The following AUTS2 variants were observed in gnomAD, a reference collection of about 807,000 sequenced individuals.
AUTS2 encodes the protein autism susceptibility gene 2 protein.
A neutral mutation model predicts 112.4 loss-of-function variants in AUTS2; 17 were observed. That is an observed-to-expected ratio of 0.15 (90% confidence interval 0.10 to 0.23). The LOEUF (loss-of-function observed/expected upper bound fraction) is 0.23, where lower values mean the gene tolerates loss of function less well. Among genes scored for constraint, AUTS2 ranks in the 10% least tolerant of loss-of-function variants. AUTS2 has a pLI of 1.00. For synonymous variants in AUTS2, 751 were observed against 702.7 expected (o/e 1.07, Z -1.09); for missense variants, 1,510 against 1,701.6 (o/e 0.89, Z 1.98).
intron 5 of AUTS2, among the ~76,000 whole-genome samples, chr7:70,491,171 A>T (rs1272267774): frequency 6.6e-6 from 1 of 152,138 alleles, no homozygotes; most frequent in Admixed American, 6.5e-5. Flanking sequence ...TCTTTGTGTC[A>T]TTGTTGCTCT....
intron 15 of AUTS2, chr7:70,784,109 GAGTC>G (rs1791272664): frequency 6.6e-6 from 1 of 152,206 alleles, no homozygotes; most frequent in Non-Finnish European, 1.5e-5. Flanking sequence ...AAACCTGTCA[GAGTC>G]AGTTATAAGA....
At chr7:70,669,005 G>C (rs932390782) in intron 5 of AUTS2, among the ~76,000 whole-genome samples, 1 of 152,218 alleles carries the variant, frequency 6.6e-6, no homozygotes, top group African/African-American at 2.4e-5. Flanking sequence ...ACAGATAGGG[G>C]AATTTTCTGA....
chr7:70,046,754 AG>A (rs1801524188), intron 2 of AUTS2, among the ~76,000 whole-genome samples: 1 of 152,178 alleles, frequency 6.6e-6, no homozygotes, highest in Non-Finnish European at 1.5e-5. Context: ...CTTTGTCACC[AG>A]GTATATTGGT....
At chr7:70,729,127 C>A in intron 6 of AUTS2, 1 of 456,306 alleles carries the variant, frequency 2.2e-6, no homozygotes, top group South Asian at 1.6e-5. Context: ...ACGACGGCCA[C>A]ACCCTCCATC....
intron 4 of AUTS2, among the ~76,000 whole-genome samples, chr7:70,305,289 C>T (rs561602743): frequency 7.9e-5 from 12 of 152,166 alleles, no homozygotes; most frequent in Admixed American, 6.5e-5. Context: ...CATTTCACTC[C>T]ATAATGTCCT....
At chr7:70,716,309 C>T (rs924020678) in intron 6 of AUTS2, among the ~76,000 whole-genome samples, 3 of 152,104 alleles carry the variant, frequency 2.0e-5, no homozygotes, top group East Asian at 1.9e-4. Flanking sequence ...TAAAGAGGAT[C>T]GGGGGCTTCA....
chr7:69,858,914 C>T (rs1792853921), intron 1 of AUTS2, among the ~76,000 whole-genome samples: 2 of 152,178 alleles, frequency 1.3e-5, no homozygotes, highest in East Asian at 3.9e-4. Context: ...CACTGGATAT[C>T]ATGTAGGTAC....
chr7:70,314,866 T>C (rs1789924006), intron 4 of AUTS2, among the ~76,000 whole-genome samples: 1 of 152,182 alleles, frequency 6.6e-6, no homozygotes, highest in South Asian at 2.1e-4. Flanking sequence ...GTCATTCCTT[T>C]CCCTTTGCCT....
intron 5 of AUTS2, among the ~76,000 whole-genome samples, chr7:70,595,165 A>T (rs1803135376): frequency 6.6e-6 from 1 of 152,042 alleles, no homozygotes; most frequent in Admixed American, 6.5e-5. Flanking sequence ...CACTGCAGCA[A>T]CCGCTGTTAG....
At chr7:70,637,149 C>G (rs928218896) in intron 5 of AUTS2, among the ~76,000 whole-genome samples, 7 of 152,174 alleles carry the variant, frequency 4.6e-5, no homozygotes, top group African/African-American at 1.7e-4. Flanking sequence ...AGCCTGATTC[C>G]ATGTTGGCCT....
chr7:70,678,118 G>T (rs1808017940), intron 5 of AUTS2, among the ~76,000 whole-genome samples: 1 of 152,006 alleles, frequency 6.6e-6, no homozygotes, highest in East Asian at 1.9e-4. Context: ...AATAATTTTA[G>T]TAGGTTCTAC....
intron 4 of AUTS2, among the ~76,000 whole-genome samples, chr7:70,361,399 G>A (rs1053892642): frequency 5.3e-5 from 8 of 151,904 alleles, no homozygotes; most frequent in African/African-American, 1.7e-4. Flanking sequence ...TATTTTGCTC[G>A]TGTCTTTTGT....
rs1018860770 is a variant in AUTS2 at position 70,730,547 on chromosome 7, A to T, written c.742+31927A>T. 3.9e-5 allele frequency among the ~76,000 whole-genome samples: 6 copies of T among 152,308 alleles called. No individual in the cohort carries two copies. The East Asian group carries it at 7.7e-4, about 20-fold the overall frequency. On this transcript the variant is annotated intron_variant, in intron 6 of 18. Coordinates refer to ENST00000342771, the MANE Select transcript of AUTS2 (RefSeq NM_015570.4). ...TCGTGTCTGGCTTCTTTCACTTAGCATAATGTTTTCAAAGTTCATGTTGTG... is the reference window on the plus strand; with the variant it reads ...TCGTGTCTGGCTTCTTTCACTTAGCTTAATGTTTTCAAAGTTCATGTTGTG...
chr7:70,121,039 GC>G (rs1805654224), intron 3 of AUTS2, among the ~76,000 whole-genome samples: 1 of 152,142 alleles, frequency 6.6e-6, no homozygotes, highest in Non-Finnish European at 1.5e-5. Flanking sequence ...CCAGAAGGGA[GC>G]CCATACTTAT....
intron 5 of AUTS2, among the ~76,000 whole-genome samples, chr7:70,688,783 C>T (rs1174803140): frequency 6.6e-6 from 1 of 152,174 alleles, no homozygotes; most frequent in Non-Finnish European, 1.5e-5. Flanking sequence ...CTGATTGTGC[C>T]ACTGCACTCT....
intron 4 of AUTS2, among the ~76,000 whole-genome samples, chr7:70,155,454 GC>G (rs1232637660): frequency 6.6e-6 from 1 of 150,860 alleles, no homozygotes; most frequent in African/African-American, 2.4e-5. Flanking sequence ...TCCTTGAAGG[GC>G]CCTTGACTTT....
rs998416810 is a variant in AUTS2 at position 70,136,979 on chromosome 7, G to A, written c.660+2408G>A. Among the ~76,000 whole-genome samples, 57 of 152,112 alleles carry A rather than the reference G, an allele frequency of 3.7e-4. 1 individual carries two copies. The highest frequency in any genetic ancestry group is 1.6e-3 in the Admixed American group (25 of 15,270). On this transcript the variant is annotated intron_variant, in intron 4 of 18. Transcript: ENST00000342771. ...CAGGTGTGTGTGCATGCACACACACGCATACACACCCTTAGCCAAAACCAG... is the reference window on the plus strand; with the variant it reads ...CAGGTGTGTGTGCATGCACACACACACATACACACCCTTAGCCAAAACCAG...
At chr7:69,864,484 G>C (rs1793131634) in intron 1 of AUTS2, among the ~76,000 whole-genome samples, 1 of 152,160 alleles carries the variant, frequency 6.6e-6, no homozygotes, top group Non-Finnish European at 1.5e-5. Context: ...TCTGTGCAGA[G>C]GAAATGATGC....
intron 1 of AUTS2, among the ~76,000 whole-genome samples, chr7:69,851,730 A>G (rs183056822): frequency 1.5e-3 from 225 of 152,288 alleles, no homozygotes; most frequent in African/African-American, 5.3e-3. Flanking sequence ...TTGCATCTAA[A>G]TATTTCATTT....
Sources: gnomAD v4.1 joint callset for allele counts (sites outside exome capture counted in the v4.1 genomes callset) on GRCh38, gnomAD v4.1.1 for gene constraint, MANE v1.5 for transcripts, NCBI Gene and HGNC (gene_info 2026-07-23, HGNC 2026-07-21) for gene names.